The following DHX36 variants were observed in gnomAD, a reference collection of about 807,000 sequenced individuals.
DHX36 encodes the protein ATP-dependent DNA/RNA helicase DHX36.
A neutral mutation model predicts 139.0 loss-of-function variants in DHX36; 50 were observed. The ratio of observed to expected loss-of-function variants is 0.36; its 90% CI spans 0.29 to 0.46. The LOEUF (loss-of-function observed/expected upper bound fraction) is 0.46. Ranked by LOEUF, DHX36 falls within the 20% of genes least tolerant of loss-of-function variation. The pLI, the probability that DHX36 is intolerant of heterozygous loss-of-function variation, is 1.00. For synonymous variants in DHX36, 425 were observed against 401.9 expected (o/e 1.06, Z -0.69); for missense variants, 1,024 against 1,211.3 (o/e 0.85, Z 2.29).
intron 19 of DHX36, among the ~76,000 whole-genome samples, chr3:154,283,642 CTTTTTT>C (rs201472973): frequency 2.1e-5 from 3 of 146,196 alleles, no homozygotes; most frequent in African/African-American, 7.5e-5. Context: ...TTATAGTTTG[CTTTTTT>C]TTTTAAGAGG....
chr3:154,284,727 C>CA lies in DHX36; in HGVS notation c.2206-59dup, dbSNP rs1711504771. The CA allele has an allele frequency of 2.5e-6, 4 of 1,592,232 alleles. No individual in the cohort carries two copies. The Admixed American group carries it at 7.1e-5, about 28-fold the overall frequency. On this transcript the variant is annotated intron_variant, in intron 18 of 24. Coordinates refer to ENST00000496811, the MANE Select transcript of DHX36 (RefSeq NM_020865.3). ...GCTCTGATGCTATAATGGAGAATGA[C>CA]ATTCTAATAAAACGCTAATGAAAAA... is the stretch of plus-strand genomic sequence containing the variant.
In DHX36 at chr3:154,293,741, T is replaced by C; in HGVS notation, c.1670+7A>G. 6.2e-7 allele frequency: 1 copy of C among 1,609,592 alleles called. No homozygotes were observed. Among genetic ancestry groups the C allele is most frequent in the South Asian group, 1.1e-5 (1 of 90,816 alleles). ...CATCAGTATTTGATATTTAAAACTATTTTTACCTAGTCTCCGCAATGTTGG... is the reference window on the plus strand; with the variant it reads ...CATCAGTATTTGATATTTAAAACTACTTTTACCTAGTCTCCGCAATGTTGG... On this transcript the variant is annotated splice_region_variant and intron_variant, in intron 14 of 24. Transcript: ENST00000496811.
Position 154,301,090 on chromosome 3 carries a change from T to TA in DHX36, c.1254dup (p.Lys419Ter). 1 of 1,610,528 alleles carries TA rather than the reference T, an allele frequency of 6.2e-7. No individual in the cohort carries two copies. The stretch of plus-strand genomic sequence containing the variant: ...ACATGCCCTTGCATGAAACCCCTCT[T>TA]AAACTGGGATCTGTGTTCTTTTTGT... On this transcript the variant is annotated frameshift_variant, in exon 10 of 25. Transcript: ENST00000496811. LOFTEE classifies it high-confidence loss of function.
chr3:154,298,765 A>T (rs1712141561), intron 12 of DHX36, among the ~76,000 whole-genome samples: 1 of 151,800 alleles, frequency 6.6e-6, no homozygotes, highest in Non-Finnish European at 1.5e-5. Flanking sequence ...AATACAAAAA[A>T]TTAGGCGGGC....
In DHX36 at chr3:154,284,889, T is replaced by C; in HGVS notation, c.2130A>G (p.Ala710=). The change falls in exon 18 of 25, where the codon GCA becomes GCG. Residue 710 remains alanine (A), a synonymous_variant. Transcript: ENST00000496811. ...PHIGKMILFG[A]LFCCLDPVLT... is the part of the protein sequence containing the mutation. ...GTACTGGGTCTAAGCAGCAGAACAG[T>C]GCTCCAAAAAGAATCATTTTTCCAA... 1 of 1,614,144 alleles carries C rather than the reference T, an allele frequency of 6.2e-7. No homozygotes were observed. The highest frequency in any genetic ancestry group is 8.5e-7 in the Non-Finnish European group (1 of 1,180,018).
In DHX36 at chr3:154,306,298, T is replaced by C. The variant is rs1266535810; in HGVS notation, c.814-3A>G. On this transcript the variant is annotated splice_polypyrimidine_tract_variant and splice_region_variant and intron_variant, in intron 5 of 24. Coordinates refer to ENST00000496811, the MANE Select transcript of DHX36 (RefSeq NM_020865.3). ...TCTGCAGCTACTCTTTCCGCAACCT[T>C]TAATTCAAATAAAACATAAAGAGAA... is the stretch of plus-strand genomic sequence containing the variant. 6.2e-7 allele frequency: 1 copy of C among 1,610,922 alleles called. No homozygotes were observed. The highest frequency in any genetic ancestry group is 2.2e-5 in the East Asian group (1 of 44,802).
rs2108345597 is a variant in DHX36 at position 154,293,698 on chromosome 3, GT to G, written c.1670+49del. 3 of 1,367,440 alleles carry G rather than the reference GT, an allele frequency of 2.2e-6. No homozygotes were observed. In the East Asian group the frequency reaches 6.9e-5, roughly 31 times the overall value. The allele number at this position is 1,367,440 out of a possible 1,614,324, so 84.7% of individuals were successfully genotyped here. ...TTAAGGTATATAAACACGTTATGGT[GT>G]TTAAAACTTATGTAATCATCAGTAT... On this transcript the variant is annotated intron_variant, in intron 14 of 24. Coordinates refer to ENST00000496811, the MANE Select transcript of DHX36 (RefSeq NM_020865.3).
At chr3:154,314,182 T>C (rs1712872782) in intron 3 of DHX36, among the ~76,000 whole-genome samples, 1 of 152,170 alleles carries the variant, frequency 6.6e-6, no homozygotes, top group East Asian at 1.9e-4. Context: ...TTCCTCCATT[T>C]TCAAATCACA....
intron 20 of DHX36, among the ~76,000 whole-genome samples, chr3:154,281,260 C>A (rs1377315562): frequency 6.6e-6 from 1 of 151,960 alleles, no homozygotes; most frequent in Admixed American, 6.6e-5. Context: ...CTTTCCACCC[C>A]CATTTTTTAA....
intron 13 of DHX36, among the ~76,000 whole-genome samples, chr3:154,294,226 A>T (rs912674420): frequency 2.6e-5 from 4 of 152,144 alleles, no homozygotes; most frequent in African/African-American, 9.7e-5. Flanking sequence ...ACAAATGTCA[A>T]CTGTGCAGCT....
chr3:154,300,019 A>C (rs1213316992), intron 11 of DHX36, 94 bp from the exon 12 acceptor site: 3 of 790,886 alleles, frequency 3.8e-6, no homozygotes, highest in Non-Finnish European at 6.5e-6. Context: ...CATTAAAATT[A>C]TACTAGCTCA....
chr3:154,312,996 G>C (rs1712833570), intron 3 of DHX36, among the ~76,000 whole-genome samples: 1 of 148,306 alleles, frequency 6.7e-6, no homozygotes, highest in Admixed American at 6.8e-5. Context: ...AAAAATAACA[G>C]TCAATGTGAA....
chr3:154,289,627 T>G, intron 16 of DHX36, 82 bp downstream of exon 16: 2 of 820,424 alleles, frequency 2.4e-6, no homozygotes, highest in Non-Finnish European at 2.1e-6. Context: ...TTCTTGGAGA[T>G]TAATACAGTA....
chr3:154,285,097 C>A, intron 17 of DHX36, 110 bp from the exon 18 acceptor site: 1 of 1,080,514 alleles, frequency 9.3e-7, no homozygotes, highest in African/African-American at 1.6e-5. Context: ...CTTCTAAGTC[C>A]AAATGCCCAA....
chr3:154,309,581 C>T (rs553168035), intron 5 of DHX36, 72 bp downstream of exon 5: 5 of 1,350,370 alleles, frequency 3.7e-6, no homozygotes, highest in African/African-American at 1.5e-5. Context: ...CACTCCACAC[C>T]TTCAGAATCA....
chr3:154,287,606 G>C (rs1197066042), intron 17 of DHX36, among the ~76,000 whole-genome samples: 1 of 151,962 alleles, frequency 6.6e-6, no homozygotes, highest in Non-Finnish European at 1.5e-5. Context: ...GCAGTGAGCC[G>C]AGATCATGCC....
At position 154,293,823 on chromosome 3, in the gene DHX36, A is replaced by G. The variant is rs1194185416; in HGVS notation, c.1606-11T>C. On this transcript the variant is annotated splice_polypyrimidine_tract_variant and intron_variant, in intron 13 of 24. Transcript: ENST00000496811. The stretch of plus-strand genomic sequence containing the variant: ...GGTTCTTTTAAACACCTGTAAAAAT[A>G]AATACATCAGAATCACAAAAGTACA... The G allele has an allele frequency of 6.2e-7, 1 of 1,600,712 alleles. No individual in the cohort carries two copies.
intron 8 of DHX36, among the ~76,000 whole-genome samples, chr3:154,304,489 A>C (rs1712424958): frequency 6.6e-6 from 1 of 152,114 alleles, no homozygotes; most frequent in Admixed American, 6.6e-5. Flanking sequence ...TGCCACCCTA[A>C]CCTGTGATAA....
Position 154,324,286 on chromosome 3 carries a change from C to T in DHX36, c.131G>A (p.Gly44Glu), listed in dbSNP as rs576957075. The part of the protein sequence containing the change: ...RGSGGGGGGG[G>E]GGRGGRGRHP... ...CCGGCCCCTGCCGCCTCGACCACCC[C>T]CTCCGCCGCCGCCGCCTCCTCCGGA... The change falls in exon 1 of 25, where the codon GGG becomes GAG. Residue 44 changes from glycine (G) to glutamate (E), a missense_variant. Gly to Glu is a moderately conservative substitution (Grantham distance 98). Transcript: ENST00000496811. 2 of 1,613,016 alleles carry T rather than the reference C, an allele frequency of 1.2e-6. No homozygotes were observed. The highest frequency in any genetic ancestry group is 3.3e-5 in the Admixed American group (2 of 59,912).
Sources: gnomAD v4.1 joint callset for allele counts (sites outside exome capture counted in the v4.1 genomes callset) on GRCh38, gnomAD v4.1.1 for gene constraint, MANE v1.5 for transcripts, NCBI Gene and HGNC (gene_info 2026-07-23, HGNC 2026-07-21) for gene names.